Variants in FHAD1 observed in about 807,000 individuals in gnomAD.
FHAD1 encodes forkhead associated phosphopeptide binding domain 1.
FHAD1 carries 146 observed loss-of-function variants against 191.3 expected under a neutral mutation model. The ratio of observed to expected loss-of-function variants is 0.76; its 90% CI spans 0.67 to 0.88. FHAD1 has a LOEUF of 0.88. Among genes scored for constraint, FHAD1 ranks in the 40% least tolerant of loss-of-function variants. FHAD1 has a pLI of 0.00. For missense variants in FHAD1, 1,635 were observed against 1,785.8 expected, an observed-to-expected ratio of 0.92 and a Z score of 1.52; for synonymous variants, 616 against 672.3, an observed-to-expected ratio of 0.92 and a Z score of 1.29.
chr1:15,354,649 A>G (rs903172156), intron 20 of FHAD1, among the ~76,000 whole-genome samples: 1 of 152,184 alleles, frequency 6.6e-6, no homozygotes, highest in Non-Finnish European at 1.5e-5. Context: ...AAGTTGGGAC[A>G]TAAAAGGGAT....
At chr1:15,295,988 C>T (rs1666834668) in intron 4 of FHAD1, among the ~76,000 whole-genome samples, 1 of 152,198 alleles carries the variant, frequency 6.6e-6, no homozygotes, top group African/African-American at 2.4e-5. Context: ...CACAGTAGCC[C>T]TTTATGATAG....
In FHAD1 at chr1:15,287,314, A is replaced by T. The variant is rs528067983; in HGVS notation, c.301-2085A>T. On this transcript the variant is annotated intron_variant, in intron 3 of 33. Transcript: ENST00000688493. ...CTGGCCAGGTGTCCCCAGATGTATT[A>T]GTCCATTCTCACACTGCTATAAGGA... Among the ~76,000 whole-genome samples, 34 of 152,322 alleles carry T rather than the reference A, an allele frequency of 2.2e-4. No homozygotes were observed. In the South Asian group the frequency reaches 2.7e-3, roughly 12 times the overall value.
intron 15 of FHAD1, among the ~76,000 whole-genome samples, chr1:15,340,942 G>C (rs1436632445): frequency 6.6e-6 from 1 of 152,146 alleles, no homozygotes; most frequent in Non-Finnish European, 1.5e-5. Flanking sequence ...AGCGCTTTGG[G>C]AGGCTGAGGC....
At chr1:15,263,014 A>T (rs1651793625) in intron 2 of FHAD1, among the ~76,000 whole-genome samples, 1 of 152,210 alleles carries the variant, frequency 6.6e-6, no homozygotes, top group South Asian at 2.1e-4. Flanking sequence ...GCAAAGTGGT[A>T]TCTCCTTGTG....
intron 3 of FHAD1, among the ~76,000 whole-genome samples, chr1:15,277,994 A>G (rs1444743075): frequency 6.6e-6 from 1 of 152,104 alleles, no homozygotes; most frequent in Non-Finnish European, 1.5e-5. Flanking sequence ...AACGTAACAC[A>G]TTTTTCGGGG....
intron 31 of FHAD1, chr1:15,383,377 C>A: frequency 2.5e-6 from 1 of 403,782 alleles, no homozygotes; most frequent in South Asian, 1.8e-5. Context: ...CCATGCTGCC[C>A]GTGACCCATG....
intron 3 of FHAD1, among the ~76,000 whole-genome samples, chr1:15,273,906 CA>C (rs1573868588): frequency 6.6e-6 from 1 of 152,106 alleles, no homozygotes; most frequent in East Asian, 1.9e-4. Flanking sequence ...GTTGCCCTCT[CA>C]CCCTAGCCTC....
chr1:15,281,790 G>T (rs558227058), intron 3 of FHAD1, among the ~76,000 whole-genome samples: 2 of 150,796 alleles, frequency 1.3e-5, no homozygotes, highest in African/African-American at 4.9e-5. Context: ...AAAAAGGAGA[G>T]GGGAGGAAGG....
At chr1:15,272,629 C>T (rs1424833231) in intron 3 of FHAD1, 100 bp downstream of exon 3, 1 of 1,045,630 alleles carries the variant, frequency 9.6e-7, no homozygotes, top group African/African-American at 1.6e-5. Flanking sequence ...ATTGGTGCCA[C>T]TGTGATCGCA....
intron 25 of FHAD1, 66 bp downstream of exon 25, chr1:15,367,688 A>G: frequency 7.6e-7 from 1 of 1,323,920 alleles, no homozygotes; most frequent in Non-Finnish European, 1.0e-6. Context: ...TGAGTATTGC[A>G]GAGAGAGGGC....
At position 15,360,625 on chromosome 1, in the gene FHAD1, G is replaced by A. The variant is rs528012255; in HGVS notation, c.2884G>A (p.Glu962Lys). Residue 962 changes from glutamate to lysine, a missense_variant, in exon 22 of 34, where the codon GAA becomes AAA. Transcript: ENST00000688493. ...GCACGCCCAGACAATTGTGAGCCTC[G>A]AAGAGAAACTCCAGAAAGTCACTCA... Reference protein sequence around the residue: ...KQHAQTIVSLEEKLQKVTQHH... With the variant: ...KQHAQTIVSLKEKLQKVTQHH... The A allele has an allele frequency of 5.0e-5, 78 of 1,552,004 alleles. No homozygotes were observed. The highest frequency in any genetic ancestry group is 2.6e-4 in the African/African-American group (19 of 73,152).
At chr1:15,384,433 G>C (rs1701624256) in intron 31 of FHAD1, 2 of 152,572 alleles carry the variant, frequency 1.3e-5, no homozygotes, top group South Asian at 4.1e-4. Flanking sequence ...TCCCGAGGCA[G>C]TGTCCCCCAG....
chr1:15,324,843 G>C (rs1286868942), intron 11 of FHAD1: 1 of 467,228 alleles, frequency 2.1e-6, no homozygotes, highest in African/African-American at 1.9e-5. Flanking sequence ...AGTTAACCGA[G>C]CTCCTTGCCC....
At chr1:15,371,545 C>T (rs1476075851) in intron 26 of FHAD1, among the ~76,000 whole-genome samples, 3 of 152,208 alleles carry the variant, frequency 2.0e-5, no homozygotes, top group African/African-American at 7.2e-5. Context: ...GGAGGGGTCA[C>T]ATGGAGCTCC....
At chr1:15,293,591 A>T (rs1039208573) in intron 4 of FHAD1, among the ~76,000 whole-genome samples, 2 of 152,036 alleles carry the variant, frequency 1.3e-5, no homozygotes, top group Non-Finnish European at 2.9e-5. Context: ...GGTGGCACGC[A>T]CCTGTAATCC....
chr1:15,355,949 A>C (rs1307485400), intron 20 of FHAD1, among the ~76,000 whole-genome samples: 2 of 152,028 alleles, frequency 1.3e-5, no homozygotes, highest in Non-Finnish European at 2.9e-5. Flanking sequence ...AAAAAAAAAA[A>C]AACAGAAAAT....
At chr1:15,401,759 C>A (rs1305614533), downstream of FHAD1, among the ~76,000 whole-genome samples, 1 of 152,188 alleles carries the variant, frequency 6.6e-6, no homozygotes, top group Admixed American at 6.5e-5. Flanking sequence ...CTAATGCATG[C>A]CTCTTTGCCA....
At chr1:15,345,376 C>A (rs748730866) in intron 17 of FHAD1, 40 bp from the exon 18 acceptor site, 1 of 1,530,056 alleles carries the variant, frequency 6.5e-7, no homozygotes, top group South Asian at 1.2e-5. Flanking sequence ...AGTTTCCTCC[C>A]ATGGTAACCA....
intron 2 of FHAD1, among the ~76,000 whole-genome samples, chr1:15,260,581 C>T (rs1053172134): frequency 6.6e-6 from 1 of 152,184 alleles, no homozygotes; most frequent in African/African-American, 2.4e-5. Flanking sequence ...CTCGATGCTG[C>T]TATAGAACCG....
Sources: allele counts gnomAD v4.1 joint callset (sites outside exome capture counted in the v4.1 genomes callset), GRCh38; gene constraint gnomAD v4.1.1; transcripts MANE v1.5; gene names NCBI Gene and HGNC (gene_info 2026-07-23, HGNC 2026-07-21).